The following FARS2 variants were observed in gnomAD, a reference collection of about 807,000 sequenced individuals.
FARS2 encodes phenylalanine--tRNA ligase, mitochondrial.
In FARS2, 40 loss-of-function variants were observed where a neutral mutation model predicts 46.4. The observed-to-expected ratio is 0.86, with a 90% CI of 0.67 to 1.12. FARS2 has a LOEUF of 1.12. FARS2 is among the 50% of genes most tolerant of loss of function. FARS2 has a pLI of 0.00. For synonymous variants in FARS2, 234 were observed against 214.9 expected, an observed-to-expected ratio of 1.09 and a Z score of -0.78; for missense variants, 513 against 567.9, an observed-to-expected ratio of 0.90 and a Z score of 0.98.
chr6:5,596,169 A>G (rs765210775), intron 5 of FARS2, among the ~76,000 whole-genome samples: 5 of 152,196 alleles, frequency 3.3e-5, no homozygotes, highest in Non-Finnish European at 5.9e-5. Flanking sequence ...ACCGTTATAC[A>G]TTCAGCATAT....
chr6:5,368,052 T>C (rs1318776595), intron 1 of FARS2, among the ~76,000 whole-genome samples: 1 of 152,202 alleles, frequency 6.6e-6, no homozygotes, highest in African/African-American at 2.4e-5. Flanking sequence ...ATGAGGATGG[T>C]CGGCAGAAAT....
At chr6:5,283,058 G>A (rs150974401) in intron 1 of FARS2, among the ~76,000 whole-genome samples, 2 of 152,124 alleles carry the variant, frequency 1.3e-5, no homozygotes, top group East Asian at 1.9e-4. Context: ...CTGACATGGT[G>A]AAACCCTGTC....
chr6:5,553,424 G>A (rs544513995), intron 5 of FARS2, among the ~76,000 whole-genome samples: 2 of 152,138 alleles, frequency 1.3e-5, no homozygotes, highest in East Asian at 1.9e-4. Context: ...TCTGAGTTTG[G>A]GCGCTGTTAT....
intron 5 of FARS2, among the ~76,000 whole-genome samples, chr6:5,585,945 A>T (rs1582512762): frequency 1.3e-5 from 2 of 152,176 alleles, no homozygotes; most frequent in East Asian, 3.8e-4. Flanking sequence ...TTGCTAGATC[A>T]TATGGTAGTT....
At chr6:5,465,881 T>G (rs772063357) in intron 4 of FARS2, among the ~76,000 whole-genome samples, 6 of 152,188 alleles carry the variant, frequency 3.9e-5, no homozygotes, top group African/African-American at 7.2e-5. Flanking sequence ...AAAAAGAATT[T>G]TTTTTCAAAA....
intron 1 of FARS2, among the ~76,000 whole-genome samples, chr6:5,367,958 A>T (rs1187528579): frequency 1.3e-4 from 20 of 152,090 alleles, no homozygotes; most frequent in South Asian, 8.3e-4. Context: ...AAAACTTTTT[A>T]AAAAAATTAG....
chr6:5,335,488 T>G (rs1322590634), intron 1 of FARS2, among the ~76,000 whole-genome samples: 3 of 151,186 alleles, frequency 2.0e-5, no homozygotes, highest in African/African-American at 7.3e-5. Flanking sequence ...TTACCAATAT[T>G]GAAATGTAGA....
At chr6:5,500,280 C>T (rs560073472) in intron 4 of FARS2, among the ~76,000 whole-genome samples, 23 of 152,250 alleles carry the variant, frequency 1.5e-4, no homozygotes, top group Admixed American at 7.2e-4. Context: ...TTGGGTACTG[C>T]GTTTTCTTCA....
chr6:5,710,993 T>A (rs1759110323), intron 6 of FARS2, among the ~76,000 whole-genome samples: 1 of 152,202 alleles, frequency 6.6e-6, no homozygotes, highest in Admixed American at 6.5e-5. Context: ...AGTCTACAAG[T>A]CTTCTTGGAG....
At chr6:5,709,442 T>C (rs1758966601) in intron 6 of FARS2, among the ~76,000 whole-genome samples, 1 of 152,148 alleles carries the variant, frequency 6.6e-6, no homozygotes, top group Admixed American at 6.5e-5. Context: ...AATCTGCCAG[T>C]TGGAGGAACT....
intron 4 of FARS2, among the ~76,000 whole-genome samples, chr6:5,446,082 A>T (rs1224416259): frequency 6.6e-6 from 1 of 152,054 alleles, no homozygotes; most frequent in Non-Finnish European, 1.5e-5. Flanking sequence ...GGGCACCTGT[A>T]GTCCCAGCTA....
intron 6 of FARS2, among the ~76,000 whole-genome samples, chr6:5,683,063 T>C (rs973068240): frequency 6.6e-6 from 1 of 152,206 alleles, no homozygotes; most frequent in Non-Finnish European, 1.5e-5. Context: ...TGTGTGGGCC[T>C]CAGCCTGGGG....
chr6:5,307,383 G>T (rs1316947627), intron 1 of FARS2, among the ~76,000 whole-genome samples: 2 of 152,098 alleles, frequency 1.3e-5, no homozygotes, highest in Admixed American at 1.3e-4. Flanking sequence ...TCCTCTAGTG[G>T]GCTTTTTGTG....
chr6:5,560,988 G>A (rs921787290), intron 5 of FARS2, among the ~76,000 whole-genome samples: 4 of 152,028 alleles, frequency 2.6e-5, no homozygotes, highest in African/African-American at 9.7e-5. Flanking sequence ...AAAAATAGCT[G>A]GGTGCACTGG....
intron 3 of FARS2, among the ~76,000 whole-genome samples, chr6:5,415,619 A>G (rs9405264): frequency 0.021 from 3,130 of 152,148 alleles, 53 homozygotes; most frequent in East Asian, 0.067. Flanking sequence ...TCCCTGCCTA[A>G]TTTGTGTTTT....
intron 1 of FARS2, among the ~76,000 whole-genome samples, chr6:5,361,760 A>T (rs1758318073): frequency 6.6e-6 from 1 of 152,122 alleles, no homozygotes; most frequent in Non-Finnish European, 1.5e-5. Context: ...TTGTGCTTGA[A>T]CACTTTTGTC....
At chr6:5,474,447 AT>A (rs1157731139) in intron 4 of FARS2, among the ~76,000 whole-genome samples, 7 of 151,978 alleles carry the variant, frequency 4.6e-5, no homozygotes. Context: ...TTGTTAGGCA[AT>A]TTTGTCGTTG....
intron 2 of FARS2, among the ~76,000 whole-genome samples, chr6:5,390,895 C>T (rs540487475): frequency 6.6e-6 from 1 of 152,320 alleles, no homozygotes; most frequent in Admixed American, 6.5e-5. Flanking sequence ...AAGCAGTCCT[C>T]CTGGAATAAC....
chr6:5,686,534 G>T (rs4373398), intron 6 of FARS2, among the ~76,000 whole-genome samples: 1 of 152,188 alleles, frequency 6.6e-6, no homozygotes, highest in East Asian at 1.9e-4. Context: ...ACATGAACTC[G>T]TCCTTTTTTA....
Sources: allele counts gnomAD v4.1 joint callset (sites outside exome capture counted in the v4.1 genomes callset), GRCh38; gene constraint gnomAD v4.1.1; transcripts MANE v1.5; gene names NCBI Gene and HGNC (gene_info 2026-07-23, HGNC 2026-07-21).